The following CAMK2D variants were observed in gnomAD, a reference collection of about 807,000 sequenced individuals.
CAMK2D encodes calcium/calmodulin-dependent protein kinase type II subunit delta.
In CAMK2D, 37 loss-of-function variants were observed where a neutral mutation model predicts 84.0. The ratio of observed to expected loss-of-function variants is 0.44; its 90% CI spans 0.34 to 0.58. The LOEUF (loss-of-function observed/expected upper bound fraction) is 0.58. Among genes scored for constraint, CAMK2D ranks in the 20% least tolerant of loss-of-function variants. The pLI, the probability that CAMK2D is intolerant of heterozygous loss-of-function variation, is 0.02. For synonymous variants in CAMK2D, 202 were observed against 212.5 expected (o/e 0.95, Z 0.43); for missense variants, 448 against 652.5 (o/e 0.69, Z 3.41).
chr4:113,605,498 G>A (rs1221189278), intron 4 of CAMK2D, among the ~76,000 whole-genome samples: 1 of 152,152 alleles, frequency 6.6e-6, no homozygotes, highest in Non-Finnish European at 1.5e-5. Flanking sequence ...ACTCACTTCA[G>A]AATGTTATTA....
chr4:113,528,998 G>A (rs1185221518), intron 8 of CAMK2D, among the ~76,000 whole-genome samples: 3 of 152,128 alleles, frequency 2.0e-5, no homozygotes, highest in Non-Finnish European at 4.4e-5. Context: ...GCATTCCTAA[G>A]ACCTTACCCA....
At chr4:113,725,599 T>C (rs1488926540) in intron 2 of CAMK2D, among the ~76,000 whole-genome samples, 3 of 152,122 alleles carry the variant, frequency 2.0e-5, no homozygotes, top group Non-Finnish European at 2.9e-5. Flanking sequence ...AATCTGCTTA[T>C]AACAAATCAC....
At chr4:113,508,113 C>T (rs1270902296) in intron 13 of CAMK2D, 1 of 682,220 alleles carries the variant, frequency 1.5e-6, no homozygotes, top group East Asian at 2.7e-5. Flanking sequence ...TGATAGTTGA[C>T]TAACACTGAC....
At chr4:113,520,609 C>T (rs919537411) in intron 8 of CAMK2D, among the ~76,000 whole-genome samples, 11 of 151,704 alleles carry the variant, frequency 7.3e-5, no homozygotes, top group Non-Finnish European at 1.5e-5. Flanking sequence ...CATTAAAAGT[C>T]AATGAAGAAG....
In CAMK2D at chr4:113,618,940, G is replaced by A. The variant is rs149201168; in HGVS notation, c.221-9734C>T. On this transcript the variant is annotated intron_variant, in intron 3 of 20. Transcript: ENST00000511664. ...AGCCTAGGTCAATGATGTTTCTAAA[G>A]TAAAGAATAATTATCTATTTATCAT... Among the ~76,000 whole-genome samples the A allele has an allele frequency of 7.6e-3, 1,157 of 152,252 alleles. 5 individuals carry two copies. The highest frequency in any genetic ancestry group is 0.012 in the Non-Finnish European group (798 of 68,016).
intron 6 of CAMK2D, among the ~76,000 whole-genome samples, chr4:113,543,936 C>T (rs1000595150): frequency 2.6e-5 from 4 of 152,054 alleles, no homozygotes; most frequent in South Asian, 2.1e-4. Context: ...GGACTATAGG[C>T]GCCCGCCACC....
At chr4:113,498,269 A>C (rs2097971393) in intron 16 of CAMK2D, among the ~76,000 whole-genome samples, 1 of 152,208 alleles carries the variant, frequency 6.6e-6, no homozygotes, top group Non-Finnish European at 1.5e-5. Flanking sequence ...GATCATCAGC[A>C]TAATAAATAA....
chr4:113,743,105 G>C (rs535857160), intron 2 of CAMK2D, among the ~76,000 whole-genome samples: 4 of 152,260 alleles, frequency 2.6e-5, no homozygotes, highest in African/African-American at 9.6e-5. Context: ...GTTATTCCTA[G>C]AGAATAAAAT....
intron 2 of CAMK2D, among the ~76,000 whole-genome samples, chr4:113,709,773 A>G (rs868524412): frequency 5.0e-5 from 6 of 121,188 alleles, no homozygotes; most frequent in African/African-American, 2.1e-4. Flanking sequence ...ATATATATAT[A>G]TATATATATG....
At chr4:113,461,566 C>T (rs906310462) in intron 17 of CAMK2D, among the ~76,000 whole-genome samples, 1 of 151,966 alleles carries the variant, frequency 6.6e-6, no homozygotes, top group Non-Finnish European at 1.5e-5. Context: ...GTGTAAGGCC[C>T]CTGGAAATGC....
intron 3 of CAMK2D, among the ~76,000 whole-genome samples, chr4:113,626,255 C>T (rs905297013): frequency 3.9e-5 from 6 of 152,006 alleles, no homozygotes; most frequent in African/African-American, 1.4e-4. Context: ...ATTGGAAATG[C>T]CAAATGTATC....
At chr4:113,520,924 G>A (rs2098348660) in intron 8 of CAMK2D, among the ~76,000 whole-genome samples, 1 of 152,130 alleles carries the variant, frequency 6.6e-6, no homozygotes, top group South Asian at 2.1e-4. Context: ...AGCCACTTGG[G>A]AGGCTGAGGT....
chr4:113,620,757 T>C (rs548112479), intron 3 of CAMK2D, among the ~76,000 whole-genome samples: 1 of 152,190 alleles, frequency 6.6e-6, no homozygotes, highest in African/African-American at 2.4e-5. Flanking sequence ...CTGCCTGCCC[T>C]GGCCTCCCAA....
Position 113,761,466 on chromosome 4 carries a change from G to A in CAMK2D, c.-398C>T. The A allele has an allele frequency of 8.8e-7, 1 of 1,131,406 alleles. No individual in the cohort carries two copies. Among genetic ancestry groups the A allele is most frequent in the African/African-American group, 1.6e-5 (1 of 61,742 alleles). The allele number at this position is 1,131,406 out of a possible 1,614,324, so 70.1% of individuals were successfully genotyped here. Reference sequence around the variant, plus strand: ...CAGTTGCGAAACGATCCGCACTGGAGCAGGAGGAGTAGAAGCAGAGGGGAG... The same window carrying A: ...CAGTTGCGAAACGATCCGCACTGGAACAGGAGGAGTAGAAGCAGAGGGGAG... On this transcript the variant is annotated 5_prime_UTR_variant, in exon 1 of 21. Transcript: ENST00000511664.
At chr4:113,680,866 C>T (rs1437953575) in intron 2 of CAMK2D, among the ~76,000 whole-genome samples, 1 of 152,206 alleles carries the variant, frequency 6.6e-6, no homozygotes, top group African/African-American at 2.4e-5. Context: ...GAACACCTTT[C>T]TCTGGGGCAG....
chr4:113,635,907 T>C (rs2099108273), intron 3 of CAMK2D, among the ~76,000 whole-genome samples: 1 of 152,246 alleles, frequency 6.6e-6, no homozygotes, highest in Non-Finnish European at 1.5e-5. Flanking sequence ...CAGCTATGCC[T>C]GTGGTTAAAG....
chr4:113,709,781 A>ATATATATATATATATATATATG (rs1491185734), intron 2 of CAMK2D, among the ~76,000 whole-genome samples: 6 of 125,316 alleles, frequency 4.8e-5, no homozygotes, highest in African/African-American at 1.9e-4. Flanking sequence ...ATATATATAT[A>ATATATATATATATATATATATG]TGAGAGACTT....
chr4:113,693,020 T>A (rs2099392796), intron 2 of CAMK2D, among the ~76,000 whole-genome samples: 1 of 152,162 alleles, frequency 6.6e-6, no homozygotes, highest in Non-Finnish European at 1.5e-5. Context: ...CAGGAAGTCA[T>A]TATGTTCCCT....
intron 3 of CAMK2D, among the ~76,000 whole-genome samples, chr4:113,634,924 T>C (rs1413166914): frequency 6.6e-6 from 1 of 152,146 alleles, no homozygotes; most frequent in Admixed American, 6.5e-5. Context: ...ACCTAAAATA[T>C]GCATTACCTA....
Sources: gnomAD v4.1 joint callset for allele counts (sites outside exome capture counted in the v4.1 genomes callset) on GRCh38, gnomAD v4.1.1 for gene constraint, MANE v1.5 for transcripts, NCBI Gene and HGNC (gene_info 2026-07-23, HGNC 2026-07-21) for gene names.